Variants in C8orf82 observed in about 807,000 individuals in gnomAD.
C8orf82 encodes UPF0598 protein C8orf82.
Under a neutral mutation model 15.0 loss-of-function variants are expected in C8orf82, and 24 were observed. The observed-to-expected ratio is 1.60, with a 90% CI of 1.16 to 2.24. The LOEUF (loss-of-function observed/expected upper bound fraction) is 2.24. C8orf82 is among the 30% of genes most tolerant of loss of function. C8orf82 has a pLI of 0.00. For missense variants in C8orf82, 388 were observed against 317.4 expected (o/e 1.22, Z -1.69); for synonymous variants, 205 against 152.2 (o/e 1.35, Z -2.55).
At chr8:144,528,095 T>C in intron 1 of C8orf82, 23 bp from the exon 2 acceptor site, 14 of 1,611,860 alleles carry the variant, frequency 8.7e-6, no homozygotes, top group Non-Finnish European at 1.1e-5. Context: ...GGCCAGGCCG[T>C]GATAAGTCCC....
At chr8:144,528,615 C>CGG in intron 1 of C8orf82, 146 bp downstream of exon 1, 1 of 268,474 alleles carries the variant, frequency 3.7e-6, no homozygotes, top group Non-Finnish European at 5.9e-6. Context: ...CGCGCAGGCC[C>CGG]CGCCCACCCA....
intron 1 of C8orf82, chr8:144,528,379 A>G (rs1439248913): frequency 2.0e-6 from 3 of 1,494,402 alleles, no homozygotes; most frequent in South Asian, 1.2e-5. Flanking sequence ...CCTCCCGGAC[A>G]TGCAGCTGCC....
Position 144,528,866 on chromosome 8 carries a change from C to T in C8orf82, c.51G>A (p.Arg17=), listed in dbSNP as rs1030833089. 5 of 1,519,086 alleles carry T rather than the reference C, an allele frequency of 3.3e-6. No homozygotes were observed. Among genetic ancestry groups the T allele is most frequent in the Middle Eastern group, 1.8e-4 (1 of 5,460 alleles). The allele number at this position is 1,519,086 out of a possible 1,614,324, so 94.1% of individuals were successfully genotyped here. ...TLRTLALARS[R]GARACSGDGG... is the part of the protein sequence containing the mutation. ...CATCCCCGCTGCAGGCCCGGGCTCC[C>T]CGCGACCGCGCCAAGGCCAGGGTCC... Residue 17 remains arginine (R), a synonymous_variant, in exon 1 of 3, where the codon CGG becomes CGA. Transcript: ENST00000524821.
In C8orf82 at chr8:144,526,629, T is replaced by A. The variant is rs1243887145; in HGVS notation, c.*713A>T. ...TTCCGCGACGACTGTCACTGCCTCC[T>A]GGGCGCCCCTCTGTGCGGGAGCGGG... On this transcript the variant is annotated 3_prime_UTR_variant, in exon 3 of 3. Coordinates refer to ENST00000524821, the MANE Select transcript of C8orf82 (RefSeq NM_001001795.2). 13 of 152,264 alleles carry A rather than the reference T, an allele frequency of 8.5e-5. No individual in the cohort carries two copies. Among genetic ancestry groups the A allele is most frequent in the Non-Finnish European group, 1.5e-5 (1 of 68,052 alleles). The allele number at this position is 152,264 out of a possible 1,614,324, so 9.4% of individuals were successfully genotyped here.
intron 1 of C8orf82, chr8:144,528,381 G>A: frequency 1.3e-6 from 2 of 1,498,742 alleles, no homozygotes; most frequent in Non-Finnish European, 1.8e-6. Flanking sequence ...TCCCGGACAT[G>A]CAGCTGCCTT....
At position 144,527,568 on chromosome 8, in the gene C8orf82, G is replaced by T; in HGVS notation, c.425C>A (p.Pro142Gln). 1 of 1,459,896 alleles carries T rather than the reference G, an allele frequency of 6.8e-7. No homozygotes were observed. Among genetic ancestry groups the T allele is most frequent in the Admixed American group, 2.6e-5 (1 of 39,102 alleles). The allele number at this position is 1,459,896 out of a possible 1,614,324, so 90.4% of individuals were successfully genotyped here. Reference sequence around the variant, plus strand: ...GGCGGCCAGGGGCAGCAGGCGCGCCGGCTCGAAGGGCACGGCCAGGGCCTC... The same window carrying T: ...GGCGGCCAGGGGCAGCAGGCGCGCCTGCTCGAAGGGCACGGCCAGGGCCTC... ...GGEALAVPFE[P>Q]ARLLPLAANG... Residue 142 changes from proline to glutamine, a missense_variant, in exon 3 of 3, where the codon CCG (proline) becomes CAG (glutamine). Pro to Gln is a moderately conservative substitution (Grantham distance 76). Coordinates refer to ENST00000524821, the MANE Select transcript of C8orf82 (RefSeq NM_001001795.2).
At chr8:144,529,110 ACG>A in exon 1 of C8orf82, 3 of 492,690 alleles carry the variant, frequency 6.1e-6, no homozygotes, top group Non-Finnish European at 1.0e-5. Flanking sequence ...TGTGCCGGTG[ACG>A]CCCCTTCCGG....
In C8orf82 at chr8:144,529,060, G is replaced by C. The variant is rs949256402; in HGVS notation, c.-144C>G. The stretch of plus-strand genomic sequence containing the variant: ...GGCCCGGCGCTCTTCCCTCTCCCTC[G>C]GGCCTCGGGGGCTCGCCCGCCCTGG... On this transcript the variant is annotated 5_prime_UTR_variant, in exon 1 of 3. Coordinates refer to ENST00000524821, the MANE Select transcript of C8orf82 (RefSeq NM_001001795.2). The C allele has an allele frequency of 6.9e-5, 54 of 782,114 alleles. 1 individual carries two copies. In the African/African-American group the frequency reaches 9.2e-4, roughly 13 times the overall value. 48.4% of individuals were successfully genotyped at this position (782,114 alleles called of 1,614,324 possible).
Position 144,527,675 on chromosome 8 carries a change from G to A in C8orf82, c.318C>T (p.Arg106=). 1 of 1,566,778 alleles carries A rather than the reference G, an allele frequency of 6.4e-7. No individual in the cohort carries two copies. Among genetic ancestry groups the A allele is most frequent in the Non-Finnish European group, 8.6e-7 (1 of 1,164,098 alleles). The part of the protein sequence containing the change: ...SPCGRERNFL[R]CEDRPVVFTH... ...TGAAGACCACCGGCCGGTCCTCGCA[G>A]CGCAGGAAGTTGCGCTCTCTGCCGC... The change falls in exon 3 of 3, where the codon CGC becomes CGT. Residue 106 remains arginine, a synonymous_variant. Coordinates refer to ENST00000524821, the MANE Select transcript of C8orf82 (RefSeq NM_001001795.2).
rs1448375377 is a variant in C8orf82 at position 144,527,387 on chromosome 8, G to A, written c.606C>T (p.Leu202=). ...GCAGCAGCGGGGCCAGGTCCATGGT[G>A]AGGGCGAGGCGGCGGCCCTGCCAGC... is the stretch of plus-strand genomic sequence containing the variant. ...HVRWQGRRLA[L]TMDLAPLLLA... is the part of the protein sequence containing the mutation. The change falls in exon 3 of 3, where the codon CTC becomes CTT. Residue 202 remains leucine, a synonymous_variant. Transcript: ENST00000524821. The A allele has an allele frequency of 1.6e-6, 2 of 1,241,782 alleles. No individual in the cohort carries two copies. The highest frequency in any genetic ancestry group is 2.0e-6 in the Non-Finnish European group (2 of 987,556). 76.9% of individuals were successfully genotyped at this position (1,241,782 alleles called of 1,614,324 possible). A position where few individuals can be genotyped will look rare whatever the true frequency, so the allele number is the denominator to read the frequency against.
Position 144,529,080 on chromosome 8 carries a change from C to T in C8orf82, c.-164G>A, listed in dbSNP as rs1268479805. ...CCCTCGGGCCTCGGGGGCTCGCCCG[C>T]CCTGGCCTTCCGAGAGGCGTGTGCC... On this transcript the variant is annotated 5_prime_UTR_variant, in exon 1 of 3. Transcript: ENST00000524821. The T allele has an allele frequency of 3.1e-6, 2 of 638,542 alleles. No individual in the cohort carries two copies. The highest frequency in any genetic ancestry group is 4.7e-6 in the Non-Finnish European group (2 of 425,116). 39.6% of individuals were successfully genotyped at this position (638,542 alleles called of 1,614,324 possible). A position where few individuals can be genotyped will look rare whatever the true frequency, so the allele number is the denominator to read the frequency against.
Position 144,527,722 on chromosome 8 carries a change from C to T in C8orf82, c.271G>A (p.Ala91Thr). ...CCGCAGGGCGAGAGGAAGGGGAAAG[C>T]GGCCTCGTAGCGCCCGCTGCGGTTG... is the stretch of plus-strand genomic sequence containing the variant. Reference protein sequence around the residue: ...RPNRSGRYEAAFPFLSPCGRE... With the variant: ...RPNRSGRYEATFPFLSPCGRE... The change falls in exon 3 of 3, where the codon GCT (alanine) becomes ACT (threonine). Residue 91 changes from alanine (A) to threonine (T), a missense_variant. By Grantham distance (58) the Ala-to-Thr change is moderately conservative. Transcript: ENST00000524821. The T allele has an allele frequency of 1.3e-6, 2 of 1,590,816 alleles. No homozygotes were observed. The highest frequency in any genetic ancestry group is 8.5e-7 in the Non-Finnish European group (1 of 1,175,934).
chr8:144,528,304 T>C (rs1186895896), intron 1 of C8orf82: 1 of 1,508,592 alleles, frequency 6.6e-7, no homozygotes, highest in African/African-American at 1.4e-5. Context: ...TCCCGCACCT[T>C]TTCCCTCTTT....
chr8:144,528,891 C>T lies in C8orf82; in HGVS notation c.26G>A (p.Arg9Gln), dbSNP rs887887461. 1.3e-6 allele frequency: 2 copies of T among 1,513,724 alleles called. No individual in the cohort carries two copies. The highest frequency in any genetic ancestry group is 2.2e-5 in the Admixed American group (1 of 46,368). 93.8% of individuals were successfully genotyped at this position (1,513,724 alleles called of 1,614,324 possible). A position where few individuals can be genotyped will look rare whatever the true frequency, so the allele number is the denominator to read the frequency against. The change falls in exon 1 of 3, where the codon CGG (arginine) becomes CAG (glutamine). Residue 9 changes from arginine (R) to glutamine (Q), a missense_variant. Arg to Gln is a conservative substitution (Grantham distance 43). Coordinates refer to ENST00000524821, the MANE Select transcript of C8orf82 (RefSeq NM_001001795.2). Reference protein sequence around the residue: MWPPCGTLRTLALARSRGA... With the variant: MWPPCGTLQTLALARSRGA... ...CCGCGACCGCGCCAAGGCCAGGGTCCGGAGCGTCCCGCAAGGCGGCCACAT... is the reference window on the plus strand; with the variant it reads ...CCGCGACCGCGCCAAGGCCAGGGTCTGGAGCGTCCCGCAAGGCGGCCACAT...
Position 144,528,058 on chromosome 8 carries a change from A to T in C8orf82, c.171T>A (p.Asp57Glu), listed in dbSNP as rs546100464. 4 of 1,612,828 alleles carry T rather than the reference A, an allele frequency of 2.5e-6. No individual in the cohort carries two copies. Among genetic ancestry groups the T allele is most frequent in the Non-Finnish European group, 3.4e-6 (4 of 1,179,910 alleles). The change falls in exon 2 of 3, where the codon GAT (aspartate) becomes GAA (glutamate). Residue 57 changes from aspartate to glutamate, a missense_variant. Physicochemically the swap from Asp to Glu is conservative, Grantham distance 45. Coordinates refer to ENST00000524821, the MANE Select transcript of C8orf82 (RefSeq NM_001001795.2). ...VDHQGQLFLDDSKMKNFITCF... is the reference protein window; with the variant it reads ...VDHQGQLFLDESKMKNFITCF... ...AGGTGATGAAATTCTTCATTTTGGA[A>T]TCATCCAGGAAAAGCTGCAGATAGA...
chr8:144,528,114 G>C, intron 1 of C8orf82, 42 bp from the exon 2 acceptor site: 1 of 1,604,726 alleles, frequency 6.2e-7, no homozygotes, highest in Non-Finnish European at 8.5e-7. Flanking sequence ...CCAGCGTGCA[G>C]GTGGGGGCGG....
intron 1 of C8orf82, 63 bp from the exon 2 acceptor site, chr8:144,528,135 G>C: frequency 6.3e-7 from 1 of 1,593,288 alleles, no homozygotes; most frequent in Non-Finnish European, 8.6e-7. Flanking sequence ...GGAAGCTCAG[G>C]AGGTCCTGAA....
rs1193033756 is a variant in C8orf82 at position 144,528,868 on chromosome 8, G to A, written c.49C>T (p.Arg17Trp). ...TLRTLALARS[R>W]GARACSGDGG... ...TCCCCGCTGCAGGCCCGGGCTCCCCGCGACCGCGCCAAGGCCAGGGTCCGG... is the reference window on the plus strand; with the variant it reads ...TCCCCGCTGCAGGCCCGGGCTCCCCACGACCGCGCCAAGGCCAGGGTCCGG... Residue 17 changes from arginine to tryptophan, a missense_variant, in exon 1 of 3, where the codon CGG becomes TGG. Arg to Trp is a moderately radical substitution (Grantham distance 101, BLOSUM62 -3). Coordinates refer to ENST00000524821, the MANE Select transcript of C8orf82 (RefSeq NM_001001795.2). The A allele has an allele frequency of 6.6e-7, 1 of 1,518,760 alleles. No individual in the cohort carries two copies. The highest frequency in any genetic ancestry group is 1.4e-5 in the African/African-American group (1 of 69,192). 94.1% of individuals were successfully genotyped at this position (1,518,760 alleles called of 1,614,324 possible). A position where few individuals can be genotyped will look rare whatever the true frequency, so the allele number is the denominator to read the frequency against.
In C8orf82 at chr8:144,527,274, G is replaced by C. The variant is rs1296593952; in HGVS notation, c.*68C>G. The C allele has an allele frequency of 2.9e-5, 31 of 1,067,782 alleles. No homozygotes were observed. The highest frequency in any genetic ancestry group is 4.9e-5 in the Admixed American group (1 of 20,506). The allele number at this position is 1,067,782 out of a possible 1,614,324, so 66.1% of individuals were successfully genotyped here. A position where few individuals can be genotyped will look rare whatever the true frequency, so the allele number is the denominator to read the frequency against. On this transcript the variant is annotated 3_prime_UTR_variant, in exon 3 of 3. Coordinates refer to ENST00000524821, the MANE Select transcript of C8orf82 (RefSeq NM_001001795.2). ...CGAGCGCGGGTGGCGCGGGCTTTCC[G>C]GGGCGTGGAGTCCCGGGGGAGCGGG...
Sources: gnomAD v4.1 joint callset for allele counts on GRCh38, gnomAD v4.1.1 for gene constraint, MANE v1.5 for transcripts, NCBI Gene and HGNC (gene_info 2026-07-23, HGNC 2026-07-21) for gene names.